The following FNBP1 variants were observed in gnomAD, a reference collection of about 807,000 sequenced individuals.
FNBP1 encodes the protein formin-binding protein 1.
In FNBP1, 26 loss-of-function variants were observed where a neutral mutation model predicts 90.6. That is an observed-to-expected ratio of 0.29 (90% confidence interval 0.21 to 0.40). The LOEUF (loss-of-function observed/expected upper bound fraction) is 0.40, where lower values mean the gene tolerates loss of function less well. Ranked by LOEUF, FNBP1 falls within the 10% of genes least tolerant of loss-of-function variation. The probability of loss-of-function intolerance (pLI) is 1.00; values close to 1 mark genes in which losing one functional copy is unlikely to be tolerated. For missense variants in FNBP1, 635 were observed against 768.0 expected (o/e 0.83, Z 2.05); for synonymous variants, 260 against 265.2 (o/e 0.98, Z 0.19).
intron 4 of FNBP1, among the ~76,000 whole-genome samples, chr9:129,962,380 T>C (rs971278401): frequency 1.3e-5 from 2 of 152,220 alleles, no homozygotes; most frequent in African/African-American, 4.8e-5. Context: ...GCTGTCTGTT[T>C]TCTGGCTCAC....
chr9:130,031,772 CT>C lies in FNBP1; in HGVS notation c.24+11179del, dbSNP rs568878324. On this transcript the variant is annotated intron_variant, in intron 1 of 16. Coordinates refer to ENST00000446176, the MANE Select transcript of FNBP1 (RefSeq NM_015033.3). This position sits in a 1 kb window ranked among gnomAD's most constrained non-coding sequence, Gnocchi z 4.2. ...CACCTCCTAGATTCAAGCGATTCTC[CT>C]GCCTCAGCCTCCCGAGTAGCTGGGA... 0.011 allele frequency among the ~76,000 whole-genome samples: 1,699 copies of C among 152,226 alleles called. 22 individuals carry two copies. The highest frequency in any genetic ancestry group is 0.054 in the Middle Eastern group (16 of 294).
At chr9:129,989,165 C>T (rs1358750848) in intron 2 of FNBP1, among the ~76,000 whole-genome samples, 2 of 152,232 alleles carry the variant, frequency 1.3e-5, no homozygotes, top group African/African-American at 2.4e-5. Flanking sequence ...ACCACCCCCA[C>T]TTCAATCTCT....
At position 129,888,891 on chromosome 9, in the gene FNBP1, T is replaced by A. The variant is rs756319198; in HGVS notation, c.*1648A>T. On this transcript the variant is annotated 3_prime_UTR_variant, in exon 17 of 17. Coordinates refer to ENST00000446176, the MANE Select transcript of FNBP1 (RefSeq NM_015033.3). Reference sequence around the variant, plus strand: ...ATAGGACTTCCTTGTCTTAGATTCATAAACAGCAAGAGGAACTGAGGATGC... The same window carrying A: ...ATAGGACTTCCTTGTCTTAGATTCAAAAACAGCAAGAGGAACTGAGGATGC... 5 of 232,184 alleles carry A rather than the reference T, an allele frequency of 2.2e-5. No homozygotes were observed. The highest frequency in any genetic ancestry group is 4.3e-5 in the Non-Finnish European group (5 of 117,476). 14.4% of individuals were successfully genotyped at this position (232,184 alleles called of 1,614,324 possible). A position where few individuals can be genotyped will look rare whatever the true frequency, so the allele number is the denominator to read the frequency against.
intron 12 of FNBP1, among the ~76,000 whole-genome samples, chr9:129,906,175 G>T (rs914072570): frequency 6.6e-6 from 1 of 152,218 alleles, no homozygotes; most frequent in Middle Eastern, 3.4e-3. Flanking sequence ...GAGCCACCGC[G>T]CCTGGCCAAT....
intron 2 of FNBP1, among the ~76,000 whole-genome samples, chr9:129,991,413 G>A (rs1381757137): frequency 6.6e-6 from 1 of 151,818 alleles, no homozygotes; most frequent in Non-Finnish European, 1.5e-5. Flanking sequence ...TGGGACTACA[G>A]GTGTGCGCCA....
intron 1 of FNBP1, among the ~76,000 whole-genome samples, chr9:130,021,958 C>A (rs2057874655): frequency 1.3e-5 from 2 of 151,944 alleles, no homozygotes. Flanking sequence ...ACCTCCTGGG[C>A]TCAGGTGATC....
At chr9:130,013,810 G>T (rs1198542293) in intron 1 of FNBP1, 1 of 448,522 alleles carries the variant, frequency 2.2e-6, no homozygotes, top group Non-Finnish European at 4.5e-6. Flanking sequence ...CAAAGGAGTG[G>T]ATTAGTTATT....
At chr9:130,017,876 T>G (rs1005863965) in intron 1 of FNBP1, among the ~76,000 whole-genome samples, 1 of 150,052 alleles carries the variant, frequency 6.7e-6, no homozygotes, top group Non-Finnish European at 1.5e-5. Flanking sequence ...ACGTGGTTTT[T>G]TTTTTTTTTT....
At chr9:130,014,128 A>G in intron 1 of FNBP1, 1 of 453,048 alleles carries the variant, frequency 2.2e-6, no homozygotes, top group Non-Finnish European at 4.4e-6. Flanking sequence ...ATAACAGAAT[A>G]TGTTCAATGC....
chr9:129,974,587 T>TG (rs2050017387), intron 4 of FNBP1, among the ~76,000 whole-genome samples: 1 of 152,182 alleles, frequency 6.6e-6, no homozygotes, highest in African/African-American at 2.4e-5. Context: ...AGGCCAGGCA[T>TG]GGGGGTTTAT....
At chr9:129,999,630 G>A (rs542367144) in intron 1 of FNBP1, among the ~76,000 whole-genome samples, 2 of 151,684 alleles carry the variant, frequency 1.3e-5, no homozygotes, top group East Asian at 3.9e-4. Flanking sequence ...GAATTCCGAA[G>A]AGCTTTTGTG....
intron 12 of FNBP1, among the ~76,000 whole-genome samples, chr9:129,903,208 C>T (rs1198767075): frequency 6.6e-6 from 1 of 152,264 alleles, no homozygotes; most frequent in East Asian, 1.9e-4. Flanking sequence ...CATGCCACCA[C>T]ACCCACCTAA....
intron 1 of FNBP1, among the ~76,000 whole-genome samples, chr9:130,011,804 A>G (rs1404700389): frequency 6.6e-6 from 1 of 152,246 alleles, no homozygotes; most frequent in African/African-American, 2.4e-5. Context: ...ATGTTCATGG[A>G]TTGGAAGGCC....
At chr9:129,941,135 TC>T (rs1279279794) in intron 6 of FNBP1, among the ~76,000 whole-genome samples, 1 of 151,968 alleles carries the variant, frequency 6.6e-6, no homozygotes, top group African/African-American at 2.4e-5. Context: ...ACGCCTGTAA[TC>T]CCCGCACTTT....
At chr9:130,015,143 A>C (rs1342257781) in intron 1 of FNBP1, among the ~76,000 whole-genome samples, 2 of 152,142 alleles carry the variant, frequency 1.3e-5, no homozygotes, top group Non-Finnish European at 2.9e-5. Context: ...TGCCCAAAAC[A>C]CATACACCCA....
At chr9:129,932,226 GA>G (rs11330404) in intron 6 of FNBP1, among the ~76,000 whole-genome samples, 128,146 of 150,672 alleles carry the variant, frequency 0.85, 54,437 homozygotes, top group East Asian at 0.89. Flanking sequence ...AAAAAGAAAA[GA>G]AAAAAAAAGA....
intron 1 of FNBP1, among the ~76,000 whole-genome samples, chr9:129,999,985 G>A (rs1473742346): frequency 6.6e-6 from 1 of 152,006 alleles, no homozygotes; most frequent in African/African-American, 2.4e-5. Context: ...ACACTTCAAG[G>A]CCCTTTTTAG....
intron 12 of FNBP1, among the ~76,000 whole-genome samples, chr9:129,907,174 C>A (rs745607178): frequency 5.9e-5 from 9 of 151,500 alleles, no homozygotes; most frequent in Non-Finnish European, 1.0e-4. Flanking sequence ...GGTATATCTT[C>A]TCTCCCATTT....
chr9:129,987,859 A>C (rs1327404652), intron 2 of FNBP1, among the ~76,000 whole-genome samples: 1 of 151,992 alleles, frequency 6.6e-6, no homozygotes, highest in Non-Finnish European at 1.5e-5. Flanking sequence ...TGTCGTTTGT[A>C]CTGTTAAATT....
Sources: allele counts gnomAD v4.1 joint callset (sites outside exome capture counted in the v4.1 genomes callset), GRCh38; gene constraint gnomAD v4.1.1; non-coding constraint Gnocchi (gnomAD v3.1); transcripts MANE v1.5; gene names NCBI Gene and HGNC (gene_info 2026-07-23, HGNC 2026-07-21).